DPYD: variants seen among roughly 807,000 people sequenced by gnomAD.
The protein encoded by DPYD is dihydropyrimidine dehydrogenase.
DPYD carries 109 observed loss-of-function variants against 116.2 expected under a neutral mutation model. The observed-to-expected ratio is 0.94, with a 90% CI of 0.80 to 1.10. DPYD has a LOEUF of 1.10. Among genes scored for constraint, DPYD ranks in the 50% least tolerant of loss-of-function variants. The pLI is 0.00. For synonymous variants in DPYD, 440 were observed against 432.0 expected (o/e 1.02, Z -0.23); for missense variants, 1,302 against 1,254.5 (o/e 1.04, Z -0.57).
intron 12 of DPYD, among the ~76,000 whole-genome samples, chr1:97,532,277 G>C (rs1418610415): frequency 6.6e-6 from 1 of 151,920 alleles, no homozygotes; most frequent in African/African-American, 2.4e-5. Context: ...GTTGAATTTG[G>C]TTTGCTAATA....
intron 8 of DPYD, among the ~76,000 whole-genome samples, chr1:97,613,509 G>A (rs1317171500): frequency 6.6e-6 from 1 of 151,840 alleles, no homozygotes; most frequent in Non-Finnish European, 1.5e-5. Context: ...CCTTAAATGC[G>A]ACATCTAGAA....
intron 20 of DPYD, among the ~76,000 whole-genome samples, chr1:97,126,523 T>A (rs1377020663): frequency 1.3e-5 from 2 of 152,042 alleles, no homozygotes; most frequent in African/African-American, 4.8e-5. Flanking sequence ...TCCTCCAACA[T>A]AATCTAATAG....
intron 18 of DPYD, among the ~76,000 whole-genome samples, chr1:97,253,332 T>C (rs1032975685): frequency 6.6e-6 from 1 of 152,210 alleles, no homozygotes; most frequent in Admixed American, 6.5e-5. Context: ...GTATTCTTTC[T>C]GGAGCATTTT....
chr1:97,885,120 G>A (rs933142688), intron 1 of DPYD, among the ~76,000 whole-genome samples: 1 of 151,930 alleles, frequency 6.6e-6, no homozygotes, highest in Admixed American at 6.6e-5. Flanking sequence ...GGCCAAGTAA[G>A]AATTTGAAGG....
At chr1:97,430,920 G>A (rs747179871) in intron 14 of DPYD, among the ~76,000 whole-genome samples, 4 of 151,956 alleles carry the variant, frequency 2.6e-5, no homozygotes, top group Non-Finnish European at 5.9e-5. Context: ...TAGAAGTGGA[G>A]CCTGAGTTCA....
At chr1:97,657,375 T>C (rs1286919835) in intron 8 of DPYD, among the ~76,000 whole-genome samples, 2 of 152,194 alleles carry the variant, frequency 1.3e-5, no homozygotes, top group Non-Finnish European at 2.9e-5. Context: ...CTAAAAATTA[T>C]AAAGAATATT....
At chr1:97,212,560 A>G (rs904302328) in intron 19 of DPYD, among the ~76,000 whole-genome samples, 4 of 151,930 alleles carry the variant, frequency 2.6e-5, no homozygotes, top group Non-Finnish European at 4.4e-5. Context: ...CTGGATATAT[A>G]TATTTATTTG....
intron 1 of DPYD, among the ~76,000 whole-genome samples, chr1:97,896,666 T>G (rs1673087032): frequency 6.6e-6 from 1 of 151,852 alleles, no homozygotes; most frequent in Non-Finnish European, 1.5e-5. Context: ...TCATCAAACA[T>G]ATCCCTGCCA....
At chr1:97,148,694 G>A (rs1654805284) in intron 20 of DPYD, among the ~76,000 whole-genome samples, 2 of 152,120 alleles carry the variant, frequency 1.3e-5, no homozygotes, top group South Asian at 4.1e-4. Context: ...TAATTAAAAT[G>A]AAATGTCATA....
At chr1:97,885,143 G>A (rs1672416092) in intron 1 of DPYD, among the ~76,000 whole-genome samples, 1 of 151,952 alleles carries the variant, frequency 6.6e-6, no homozygotes, top group Admixed American at 6.6e-5. Flanking sequence ...ACCTGAGAAT[G>A]CAATTCCTAC....
At chr1:97,367,145 T>C (rs1370532961) in intron 16 of DPYD, among the ~76,000 whole-genome samples, 1 of 152,106 alleles carries the variant, frequency 6.6e-6, no homozygotes, top group Non-Finnish European at 1.5e-5. Flanking sequence ...GGCACTGTGG[T>C]CCTCACACTT....
chr1:97,830,012 C>T (rs1669453256), intron 2 of DPYD, among the ~76,000 whole-genome samples: 1 of 151,822 alleles, frequency 6.6e-6, no homozygotes, highest in Non-Finnish European at 1.5e-5. Context: ...GGTTTTCTCT[C>T]CTTGTGATAG....
At chr1:97,603,525 T>C (rs559462816) in intron 8 of DPYD, among the ~76,000 whole-genome samples, 2 of 152,128 alleles carry the variant, frequency 1.3e-5, no homozygotes, top group South Asian at 2.1e-4. Context: ...AACTGCACAG[T>C]AGGAAACAGC....
rs183619803 is a variant in DPYD, at chr1:97,396,567, A to G, written c.1906-14106T>C. Among the ~76,000 whole-genome samples the G allele has an allele frequency of 6.6e-3, 998 of 152,178 alleles. 11 individuals carry two copies. Among genetic ancestry groups the G allele is most frequent in the Non-Finnish European group, 0.011 (724 of 67,984 alleles). ...AATAATAAAATTAGAGGAAAGAATG[A>G]GTGAGCAGGAACCAATGGGATGATT... On this transcript the variant is annotated intron_variant, in intron 14 of 22. Coordinates refer to ENST00000370192, the MANE Select transcript of DPYD (RefSeq NM_000110.4).
At chr1:97,455,359 T>G (rs985635673) in intron 13 of DPYD, among the ~76,000 whole-genome samples, 10 of 151,830 alleles carry the variant, frequency 6.6e-5, no homozygotes, top group African/African-American at 2.4e-4. Context: ...TGTTTTGTTT[T>G]CTTAACTTCC....
chr1:97,665,926 T>C (rs770973862), intron 8 of DPYD, among the ~76,000 whole-genome samples: 7 of 152,130 alleles, frequency 4.6e-5, no homozygotes, highest in Non-Finnish European at 1.0e-4. Flanking sequence ...TTAGAATTCA[T>C]CATGAAGAAT....
chr1:97,225,176 G>A (rs985404459), intron 19 of DPYD, among the ~76,000 whole-genome samples: 1 of 151,936 alleles, frequency 6.6e-6, no homozygotes, highest in Non-Finnish European at 1.5e-5. Flanking sequence ...CCTCCATATT[G>A]TTTTCCATAA....
chr1:97,148,072 A>G (rs1024624723), intron 20 of DPYD, among the ~76,000 whole-genome samples: 1 of 152,132 alleles, frequency 6.6e-6, no homozygotes, highest in Non-Finnish European at 1.5e-5. Context: ...CACAGCCTGA[A>G]TTATGGAAGC....
chr1:97,204,878 A>T (rs1047109574), intron 19 of DPYD, among the ~76,000 whole-genome samples: 1 of 152,046 alleles, frequency 6.6e-6, no homozygotes, highest in Non-Finnish European at 1.5e-5. Flanking sequence ...GGGGATTTGG[A>T]ATCCTGGAGA....
Sources: gnomAD v4.1 joint callset for allele counts (sites outside exome capture counted in the v4.1 genomes callset) on GRCh38, gnomAD v4.1.1 for gene constraint, MANE v1.5 for transcripts, NCBI Gene and HGNC (gene_info 2026-07-23, HGNC 2026-07-21) for gene names.